Variants in CETP observed in about 807,000 individuals in gnomAD.
CETP encodes the protein BPI fold containing family F.
In CETP, 56 loss-of-function variants were observed where a neutral mutation model predicts 66.5. The ratio of observed to expected loss-of-function variants is 0.84; its 90% CI spans 0.68 to 1.05. The LOEUF is 1.05. Ranked by LOEUF, CETP falls within the 50% of genes least tolerant of loss-of-function variation. The probability of loss-of-function intolerance (pLI) is 0.00; values close to 1 mark genes in which losing one functional copy is unlikely to be tolerated. For missense variants in CETP, 612 were observed against 609.6 expected (o/e 1.00, Z -0.04); for synonymous variants, 251 against 245.7 (o/e 1.02, Z -0.20).
intron 14 of CETP, among the ~76,000 whole-genome samples, chr16:56,983,067 G>C (rs1232054879): frequency 6.6e-6 from 1 of 152,238 alleles, no homozygotes; most frequent in Admixed American, 6.5e-5. Flanking sequence ...TGTGGCCATT[G>C]TGGATGGGTT....
intron 8 of CETP, 128 bp downstream of exon 8, chr16:56,972,211 C>CAT: frequency 1.4e-6 from 1 of 700,224 alleles, no homozygotes; most frequent in East Asian, 2.7e-5. Context: ...CGCTCCTCCT[C>CAT]ATTCCTGATG....
At chr16:56,967,524 G>A (rs1169717682) in intron 2 of CETP, among the ~76,000 whole-genome samples, 1 of 151,810 alleles carries the variant, frequency 6.6e-6, no homozygotes, top group Non-Finnish European at 1.5e-5. Flanking sequence ...ATGTCGTGGC[G>A]GGAGCCTGTA....
At chr16:56,967,173 C>A (rs4784740) in intron 2 of CETP, among the ~76,000 whole-genome samples, 4 of 150,764 alleles carry the variant, frequency 2.7e-5, no homozygotes, top group Non-Finnish European at 5.9e-5. Flanking sequence ...CATGGTGAAA[C>A]CCTATCTCTA....
intron 10 of CETP, 69 bp downstream of exon 10, chr16:56,975,220 C>G: frequency 7.5e-7 from 1 of 1,331,536 alleles, no homozygotes; most frequent in East Asian, 2.3e-5. Context: ...TTCAAGAGCC[C>G]CCACACAGCC....
In CETP at chr16:56,972,001, T is replaced by G. The variant is rs747056056; in HGVS notation, c.668T>G (p.Leu223Arg). 41 of 1,613,976 alleles carry G rather than the reference T, an allele frequency of 2.5e-5. No individual in the cohort carries two copies. The highest frequency in any genetic ancestry group is 3.4e-5 in the Non-Finnish European group (40 of 1,179,944). ...TCTTTTCCTCCTGCAGCCAGCATCC[T>G]TTCAGATGGAGACATTGGGGTGGAC... ...DFVQTRAASI[L>R]SDGDIGVDIS... The change falls in exon 8 of 16, where the codon CTT becomes CGT. Residue 223 changes from leucine to arginine, a missense_variant. Physicochemically the swap from Leu to Arg is moderately radical, Grantham distance 102. Transcript: ENST00000200676.
Position 56,972,020 on chromosome 16 carries a change from G to A in CETP, c.687G>A (p.Gly229=). 6.2e-7 allele frequency: 1 copy of A among 1,614,160 alleles called. No individual in the cohort carries two copies. Among genetic ancestry groups the A allele is most frequent in the South Asian group, 1.1e-5 (1 of 91,084 alleles). Residue 229 remains glycine (G), a synonymous_variant, in exon 8 of 16, where the codon GGG becomes GGA. Transcript: ENST00000200676. ...GCATCCTTTCAGATGGAGACATTGG[G>A]GTGGACATTTCCCTGACAGGTGATC... ...AASILSDGDI[G]VDISLTGDPV...
At chr16:56,979,496 A>T (rs555579599) in intron 11 of CETP, among the ~76,000 whole-genome samples, 1 of 149,850 alleles carries the variant, frequency 6.7e-6, no homozygotes, top group South Asian at 2.1e-4. Flanking sequence ...ATTATCTTTA[A>T]TGCTCCTTAG....
At position 56,969,831 on chromosome 16, in the gene CETP, C is replaced by G. The variant is rs905881672; in HGVS notation, c.440-83C>G. ...CAGGGGTGGGGACCCCAGAGCTGGC[C>G]AAGCTCTTGACTGGCCTGGGCAGCA... On this transcript the variant is annotated intron_variant, in intron 4 of 15. Coordinates refer to ENST00000200676, the MANE Select transcript of CETP (RefSeq NM_000078.3). 6 of 1,557,746 alleles carry G rather than the reference C, an allele frequency of 3.9e-6. No individual in the cohort carries two copies. In the Admixed American group the frequency reaches 1.1e-4, roughly 28 times the overall value.
Position 56,981,155 on chromosome 16 carries a change from C to G in CETP, c.1147-3C>G, listed in dbSNP as rs567001671. The G allele has an allele frequency of 6.2e-7, 1 of 1,612,614 alleles. No homozygotes were observed. The highest frequency in any genetic ancestry group is 1.7e-5 in the Admixed American group (1 of 60,014). On this transcript the variant is annotated splice_region_variant and splice_polypyrimidine_tract_variant and intron_variant, in intron 11 of 15. Coordinates refer to ENST00000200676, the MANE Select transcript of CETP (RefSeq NM_000078.3). ...TCACAGCAAATTTGGTTTCTCTCCC[C>G]AGGATATCGTGACTACCGTCCAGGC...
chr16:56,975,217 G>A (rs1168705238), intron 10 of CETP, 66 bp downstream of exon 10: 1 of 1,404,722 alleles, frequency 7.1e-7, no homozygotes, highest in African/African-American at 1.4e-5. Context: ...GGCTTCAAGA[G>A]CCCCCACACA....
intron 10 of CETP, among the ~76,000 whole-genome samples, chr16:56,975,636 C>T (rs779043841): frequency 6.6e-6 from 1 of 152,186 alleles, no homozygotes; most frequent in Non-Finnish European, 1.5e-5. Context: ...TGTTCATAAT[C>T]CCACTCCTCA....
chr16:56,981,777 G>T, intron 13 of CETP, 97 bp downstream of exon 13: 1 of 1,237,976 alleles, frequency 8.1e-7, no homozygotes, highest in Non-Finnish European at 1.2e-6. Flanking sequence ...CAGGCAACCA[G>T]ACCAAAAGAA....
chr16:56,977,984 C>T, intron 10 of CETP, 107 bp from the exon 11 acceptor site: 1 of 1,417,628 alleles, frequency 7.1e-7, no homozygotes, highest in Non-Finnish European at 9.6e-7. Context: ...TCCTTTTCCC[C>T]AGCCCTGGGG....
In CETP at chr16:56,969,414, A is replaced by G. The variant is rs911796524; in HGVS notation, c.262A>G (p.Ser88Gly). Residue 88 changes from serine (S) to glycine (G), a missense_variant, in exon 3 of 16, where the codon AGC becomes GGC. Physicochemically the swap from Ser to Gly is moderately conservative, Grantham distance 56. Coordinates refer to ENST00000200676, the MANE Select transcript of CETP (RefSeq NM_000078.3). ...NIQISHLSIA[S>G]SQVELVEAKS... ...CCAGATCAGCCACTTGTCCATCGCCAGCAGCCAGGTGGAGCTGGTGGAAGC... is the reference window on the plus strand; with the variant it reads ...CCAGATCAGCCACTTGTCCATCGCCGGCAGCCAGGTGGAGCTGGTGGAAGC... The G allele has an allele frequency of 1.5e-5, 24 of 1,614,012 alleles. No homozygotes were observed. The African/African-American group carries it at 3.1e-4, about 21-fold the overall frequency.
intron 8 of CETP, among the ~76,000 whole-genome samples, chr16:56,972,577 C>A (rs1051027871): frequency 3.3e-5 from 5 of 152,256 alleles, no homozygotes; most frequent in Non-Finnish European, 5.9e-5. Context: ...CAGGCCCCTT[C>A]CACGTGTTCT....
intron 2 of CETP, among the ~76,000 whole-genome samples, chr16:56,964,795 A>C (rs2056054238): frequency 6.6e-6 from 1 of 152,210 alleles, no homozygotes; most frequent in Non-Finnish European, 1.5e-5. Flanking sequence ...GGTCTCGCGC[A>C]GCCACGCCCT....
intron 14 of CETP, among the ~76,000 whole-genome samples, chr16:56,982,693 T>C (rs191106328): frequency 1.3e-3 from 199 of 152,330 alleles, no homozygotes; most frequent in Non-Finnish European, 2.3e-3. Context: ...TGGTAGACTC[T>C]CAGACACCAT....
chr16:56,983,162 A>C (rs1230672903), intron 14 of CETP, among the ~76,000 whole-genome samples, 164 bp from the exon 15 acceptor site: 5 of 152,192 alleles, frequency 3.3e-5, no homozygotes, highest in African/African-American at 1.2e-4. Context: ...GCTCTTCCTC[A>C]TCCTCAGAAG....
intron 11 of CETP, among the ~76,000 whole-genome samples, chr16:56,978,489 AT>A (rs1223276689): frequency 7.3e-5 from 11 of 151,454 alleles, no homozygotes; most frequent in Non-Finnish European, 1.5e-4. Flanking sequence ...TCTTATTTTT[AT>A]TTTTTTTAGA....
Sources: gnomAD v4.1 joint callset for allele counts (sites outside exome capture counted in the v4.1 genomes callset) on GRCh38, gnomAD v4.1.1 for gene constraint, MANE v1.5 for transcripts, NCBI Gene and HGNC (gene_info 2026-07-23, HGNC 2026-07-21) for gene names.